Variants in BTG4 observed in about 807,000 individuals in gnomAD.
The protein encoded by BTG4 is protein BTG4.
Under a neutral mutation model 19.3 loss-of-function variants are expected in BTG4, and 10 were observed. The observed-to-expected ratio is 0.52, with a 90% CI of 0.32 to 0.88. The LOEUF is 0.88. Among genes scored for constraint, BTG4 ranks in the 40% least tolerant of loss-of-function variants. BTG4 has a pLI of 0.04. For missense variants in BTG4, 238 were observed against 281.9 expected, an observed-to-expected ratio of 0.84 and a Z score of 1.11; for synonymous variants, 91 against 95.7, an observed-to-expected ratio of 0.95 and a Z score of 0.29.
At chr11:111,387,583 C>T in the BTG4 span, among the ~76,000 whole-genome samples, 3 of 152,202 alleles carry the variant, frequency 2.0e-5, no homozygotes, top group Non-Finnish European at 2.9e-5. Flanking sequence ...TTCTGAACTC[C>T]TTCTGGTACT....
At chr11:111,425,598 A>G in the BTG4 span, among the ~76,000 whole-genome samples, 1 of 152,210 alleles carries the variant, frequency 6.6e-6, no homozygotes, top group Non-Finnish European at 1.5e-5. Context: ...CAGTTAAGAA[A>G]CTACTGTAGT....
chr11:111,483,461 A>T (rs1864865563), intron 5 of BTG4, among the ~76,000 whole-genome samples: 2 of 152,160 alleles, frequency 1.3e-5, no homozygotes, highest in African/African-American at 4.8e-5. Context: ...ACCTTGAGGA[A>T]GCTCAGCAAC....
At chr11:111,477,803 A>G (rs1470664501) in intron 5 of BTG4, among the ~76,000 whole-genome samples, 2 of 152,196 alleles carry the variant, frequency 1.3e-5, no homozygotes, top group Non-Finnish European at 2.9e-5. Context: ...GGAAAGGGAC[A>G]GCGCAGCAAA....
chr11:111,447,112 C>T, the BTG4 span, among the ~76,000 whole-genome samples: 3 of 152,238 alleles, frequency 2.0e-5, no homozygotes, highest in Non-Finnish European at 4.4e-5. Flanking sequence ...CCTACAACGC[C>T]TCCTTCTGCC....
At position 111,498,242 on chromosome 11, in the gene BTG4, T is replaced by C; in HGVS notation, c.174-107A>G. 2.4e-6 allele frequency: 3 copies of C among 1,260,080 alleles called. No homozygotes were observed. The South Asian group carries it at 4.0e-5, about 17-fold the overall frequency. The allele number at this position is 1,260,080 out of a possible 1,614,324, so 78.1% of individuals were successfully genotyped here. A position where few individuals can be genotyped will look rare whatever the true frequency, so the allele number is the denominator to read the frequency against. ...TACACATAGCTCCCACCTCATCCCC[T>C]CAGCCTCCTTCCCCTCAGCCTCCTC... On this transcript the variant is annotated intron_variant, in intron 2 of 4. Coordinates refer to ENST00000692032, the MANE Select transcript of BTG4 (RefSeq NM_001367975.1).
At chr11:111,464,551 G>A (rs185582469), downstream of BTG4, 5 of 152,294 alleles carry the variant, frequency 3.3e-5, no homozygotes, top group East Asian at 7.7e-4. Flanking sequence ...CCCTCTGTTC[G>A]GATACAGATA....
the BTG4 span, among the ~76,000 whole-genome samples, chr11:111,443,479 T>C: frequency 2.0e-5 from 3 of 152,222 alleles, no homozygotes; most frequent in African/African-American, 7.2e-5. Flanking sequence ...ATGAGAACAC[T>C]GTACTATCTT....
At chr11:111,455,251 T>C in the BTG4 span, 1 of 352,816 alleles carries the variant, frequency 2.8e-6, no homozygotes, top group Non-Finnish European at 5.7e-6. Flanking sequence ...GAATTTCTCA[T>C]CCCCTTTGCC....
the BTG4 span, among the ~76,000 whole-genome samples, chr11:111,424,525 A>G: frequency 5.9e-5 from 9 of 152,248 alleles, no homozygotes; most frequent in African/African-American, 2.2e-4. Context: ...CAAATAATTC[A>G]TTTATTTGAG....
At chr11:111,462,783 G>A (rs568317383), downstream of BTG4, 1 of 152,644 alleles carries the variant, frequency 6.6e-6, no homozygotes, top group South Asian at 2.1e-4. Flanking sequence ...GCCGGCTGCA[G>A]GGCCAGGAGG....
At chr11:111,421,384 A>T in the BTG4 span, among the ~76,000 whole-genome samples, 1 of 152,164 alleles carries the variant, frequency 6.6e-6, no homozygotes, top group African/African-American at 2.4e-5. Flanking sequence ...AAAAACTCCA[A>T]ACTGGATAAT....
chr11:111,385,800 A>T, the BTG4 span: 1 of 152,212 alleles, frequency 6.6e-6, no homozygotes, highest in African/African-American at 2.4e-5. Flanking sequence ...TTAACTTGAT[A>T]AAGTTTATAT....
the BTG4 span, among the ~76,000 whole-genome samples, chr11:111,437,920 C>T: frequency 6.6e-6 from 1 of 152,188 alleles, no homozygotes; most frequent in African/African-American, 2.4e-5. Context: ...TCATTCCACT[C>T]TCATCCTCAA....
the BTG4 span, among the ~76,000 whole-genome samples, chr11:111,451,789 T>G: frequency 6.6e-6 from 1 of 152,120 alleles, no homozygotes; most frequent in East Asian, 1.9e-4. Flanking sequence ...TACTGCCTCA[T>G]AACCAGCTCA....
chr11:111,399,456 A>G, the BTG4 span, among the ~76,000 whole-genome samples: 1 of 152,186 alleles, frequency 6.6e-6, no homozygotes, highest in Non-Finnish European at 1.5e-5. Context: ...CATTCATTTC[A>G]TGGGGAGAAA....
chr11:111,460,168 C>G, the BTG4 span: 1 of 152,572 alleles, frequency 6.6e-6, no homozygotes, highest in Admixed American at 6.5e-5. Flanking sequence ...CTTCCTTCCC[C>G]ATCTCTGGTT....
chr11:111,387,629 A>G, the BTG4 span, among the ~76,000 whole-genome samples: 1 of 152,216 alleles, frequency 6.6e-6, no homozygotes, highest in Non-Finnish European at 1.5e-5. Flanking sequence ...ACAAACTTGC[A>G]TTAATACAGG....
At chr11:111,502,554 A>G (rs770116853) in intron 1 of BTG4, among the ~76,000 whole-genome samples, 3 of 152,218 alleles carry the variant, frequency 2.0e-5, no homozygotes, top group Non-Finnish European at 4.4e-5. Context: ...GTTACAAGGG[A>G]CAAAGCTGAA....
chr11:111,477,946 C>G (rs1267914914), intron 5 of BTG4, among the ~76,000 whole-genome samples: 2 of 152,286 alleles, frequency 1.3e-5, no homozygotes, highest in African/African-American at 4.8e-5. Flanking sequence ...TCATCCCAGC[C>G]TCCTGCTAGG....
Sources: gnomAD v4.1 joint callset for allele counts (sites outside exome capture counted in the v4.1 genomes callset) on GRCh38, gnomAD v4.1.1 for gene constraint, MANE v1.5 for transcripts, NCBI Gene and HGNC (gene_info 2026-07-23, HGNC 2026-07-21) for gene names.